STK32C: variants seen among roughly 807,000 people sequenced by gnomAD.
STK32C encodes the protein serine/threonine kinase 32C, also known as serine/threonine-protein kinase 32C.
In STK32C, 31 loss-of-function variants were observed where a neutral mutation model predicts 56.5. The ratio of observed to expected loss-of-function variants is 0.55; its 90% CI spans 0.41 to 0.74. The LOEUF (loss-of-function observed/expected upper bound fraction) is 0.74, where lower values mean the gene tolerates loss of function less well. Among genes scored for constraint, STK32C ranks in the 30% least tolerant of loss-of-function variants. The pLI is 0.00. For synonymous variants in STK32C, 309 were observed against 289.4 expected (o/e 1.07, Z -0.69); for missense variants, 544 against 676.9 (o/e 0.80, Z 2.18).
At chr10:132,254,392 G>A (rs561017603) in intron 1 of STK32C, among the ~76,000 whole-genome samples, 124 of 152,356 alleles carry the variant, frequency 8.1e-4, no homozygotes, top group African/African-American at 2.9e-3. Context: ...CTCCCAATGA[G>A]GACAGCAAAA....
chr10:132,289,355 G>A (rs1392280492), intron 1 of STK32C, among the ~76,000 whole-genome samples: 1 of 152,224 alleles, frequency 6.6e-6, no homozygotes, highest in East Asian at 1.9e-4. Flanking sequence ...AGAGACCGCT[G>A]AGAAAATGAA....
chr10:132,331,873 GCAGGCGC>G, upstream of STK32C: 1 of 1,257,982 alleles, frequency 7.9e-7, no homozygotes, highest in East Asian at 2.5e-5. Flanking sequence ...GCGTGCGTGC[GCAGGCGC>G]ACCACCCCCT....
intron 2 of STK32C, among the ~76,000 whole-genome samples, chr10:132,244,998 G>A (rs746303859): frequency 1.7e-4 from 26 of 152,288 alleles, no homozygotes; most frequent in African/African-American, 5.1e-4. Context: ...AATGCACTGC[G>A]CAAAGGGGCT....
intron 1 of STK32C, among the ~76,000 whole-genome samples, chr10:132,265,712 C>G (rs2064496899): frequency 6.6e-6 from 1 of 152,242 alleles, no homozygotes; most frequent in Non-Finnish European, 1.5e-5. Flanking sequence ...GCAAGAGGCC[C>G]AGGCAGATGC....
chr10:132,294,560 C>A (rs1016483551), intron 1 of STK32C, among the ~76,000 whole-genome samples: 20 of 152,224 alleles, frequency 1.3e-4, no homozygotes, highest in African/African-American at 4.6e-4. Flanking sequence ...AGCCACACAC[C>A]AAACGCCATC....
At chr10:132,230,691 G>GC (rs1393023531) in intron 2 of STK32C, among the ~76,000 whole-genome samples, 1 of 137,794 alleles carries the variant, frequency 7.3e-6, no homozygotes, top group East Asian at 2.4e-4. Context: ...GGGGGGGGGG[G>GC]GCTGCAGAGC....
intron 1 of STK32C, among the ~76,000 whole-genome samples, chr10:132,275,896 G>A (rs1284545103): frequency 6.6e-6 from 1 of 152,162 alleles, no homozygotes; most frequent in Non-Finnish European, 1.5e-5. Flanking sequence ...GTGTCGGGCA[G>A]GAGACTGTAC....
intron 2 of STK32C, among the ~76,000 whole-genome samples, chr10:132,238,781 GCACA>G (rs567541137): frequency 2.6e-5 from 4 of 151,796 alleles, no homozygotes; most frequent in Non-Finnish European, 4.4e-5. Context: ...TGCAATGCAT[GCACA>G]CACACACACA....
chr10:132,222,831 G>GC (rs1286096064), intron 9 of STK32C, 30 bp downstream of exon 9: 13 of 1,591,020 alleles, frequency 8.2e-6, no homozygotes, highest in Admixed American at 1.7e-5. Context: ...CATCCCCAGG[G>GC]CCCCCCACCT....
Position 132,245,881 on chromosome 10 carries a change from AC to A in STK32C, c.318+18del, listed in dbSNP as rs2063670366. 1 of 1,610,836 alleles carries A rather than the reference AC, an allele frequency of 6.2e-7. No homozygotes were observed. On this transcript the variant is annotated intron_variant, in intron 2 of 11. Transcript: ENST00000298630. ...CCCCTGCCCCCTCAGCCCAGTCCCC[AC>A]CCCAGGCCCTGCCTTACCTTGCCAA...
intron 2 of STK32C, among the ~76,000 whole-genome samples, chr10:132,241,961 T>A (rs2063517108): frequency 6.6e-6 from 1 of 151,926 alleles, no homozygotes; most frequent in Non-Finnish European, 1.5e-5. Flanking sequence ...ACAAAAAAAA[T>A]TAGCTGAGCA....
chr10:132,327,360 C>CT (rs34083884), intron 1 of STK32C, among the ~76,000 whole-genome samples: 2 of 152,278 alleles, frequency 1.3e-5, no homozygotes, highest in East Asian at 3.9e-4. Flanking sequence ...TCCATTAAAC[C>CT]TTTTTTTCTT....
downstream of STK32C, among the ~76,000 whole-genome samples, chr10:132,321,150 G>A (rs145697989): frequency 3.0e-4 from 46 of 152,288 alleles, no homozygotes; most frequent in African/African-American, 7.9e-4. Flanking sequence ...AGTGGGCCCT[G>A]GATGTCCTCC....
At chr10:132,286,477 G>A (rs2065408045) in intron 1 of STK32C, among the ~76,000 whole-genome samples, 1 of 152,090 alleles carries the variant, frequency 6.6e-6, no homozygotes, top group Non-Finnish European at 1.5e-5. Flanking sequence ...GACACTGCAG[G>A]AAAGAAAACA....
chr10:132,224,343 G>T, intron 8 of STK32C, 64 bp downstream of exon 8: 1 of 1,241,022 alleles, frequency 8.1e-7, no homozygotes, highest in Non-Finnish European at 1.1e-6. Flanking sequence ...GTCCCGAGCC[G>T]CAGGTAAGTG....
intron 2 of STK32C, among the ~76,000 whole-genome samples, chr10:132,243,732 G>T (rs2063587382): frequency 6.6e-6 from 1 of 152,214 alleles, no homozygotes; most frequent in South Asian, 2.1e-4. Flanking sequence ...CCCCGAGGGT[G>T]GAGCCATGGC....
intron 1 of STK32C, among the ~76,000 whole-genome samples, chr10:132,281,060 T>C (rs1182451205): frequency 4.0e-5 from 6 of 149,418 alleles, no homozygotes; most frequent in Non-Finnish European, 7.4e-5. Context: ...CCCTGCACTC[T>C]GTGATCATGC....
rs769491543 is a variant in STK32C at position 132,273,510 on chromosome 10, GAGTT to G, written c.263-27559_263-27556del. 2.6e-5 allele frequency among the ~76,000 whole-genome samples: 4 copies of G among 151,812 alleles called. No homozygotes were observed. In the South Asian group the frequency reaches 6.3e-4, roughly 24 times the overall value. ...GAACGAATGCACGGTTAATGATAAT[GAGTT>G]AGTGAATGGGGAGTTAGCAAATGAG... is the stretch of plus-strand genomic sequence containing the variant. On this transcript the variant is annotated intron_variant, in intron 1 of 11. Coordinates refer to ENST00000298630, the MANE Select transcript of STK32C (RefSeq NM_173575.4).
In STK32C at chr10:132,224,531, C is replaced by G; in HGVS notation, c.877-8G>C. The G allele has an allele frequency of 6.3e-7, 1 of 1,587,628 alleles. No individual in the cohort carries two copies. The highest frequency in any genetic ancestry group is 8.6e-7 in the Non-Finnish European group (1 of 1,167,052). On this transcript the variant is annotated splice_region_variant and splice_polypyrimidine_tract_variant and intron_variant, in intron 7 of 11. Transcript: ENST00000298630. ...GTGGATGTCATAGGGCCTCTGGAGA[C>G]AGGGAGGCAGTGCTGGGCAGGTCCT...
Sources: gnomAD v4.1 joint callset for allele counts (sites outside exome capture counted in the v4.1 genomes callset) on GRCh38, gnomAD v4.1.1 for gene constraint, MANE v1.5 for transcripts, NCBI Gene and HGNC (gene_info 2026-07-23, HGNC 2026-07-21) for gene names.